Variants in ZNF215 observed in about 807,000 individuals in gnomAD.
The protein encoded by ZNF215 is zinc finger protein 215.
ZNF215 carries 24 observed loss-of-function variants against 27.2 expected under a neutral mutation model. The ratio of observed to expected loss-of-function variants is 0.88; its 90% CI spans 0.64 to 1.24. ZNF215 has a LOEUF of 1.24. Among genes scored for constraint, ZNF215 ranks in the 50% most tolerant of loss-of-function variants. The pLI is 0.00. For missense variants in ZNF215, 675 were observed against 605.7 expected (o/e 1.11, Z -1.20); for synonymous variants, 210 against 204.0 (o/e 1.03, Z -0.25).
intron 5 of ZNF215, among the ~76,000 whole-genome samples, chr11:6,972,260 C>T (rs1389526327): frequency 1.3e-5 from 2 of 151,976 alleles, no homozygotes; most frequent in Non-Finnish European, 2.9e-5. Flanking sequence ...GTCAAAACTA[C>T]TCAATTTTTT....
chr11:6,969,291 C>G (rs1850678212), intron 5 of ZNF215, among the ~76,000 whole-genome samples: 1 of 152,050 alleles, frequency 6.6e-6, no homozygotes, highest in Admixed American at 6.6e-5. Context: ...AAGTCCATTG[C>G]AATTTCTGTT....
intron 5 of ZNF215, among the ~76,000 whole-genome samples, chr11:6,966,491 G>T (rs1237974651): frequency 2.0e-5 from 3 of 148,864 alleles, no homozygotes; most frequent in Admixed American, 2.0e-4. Flanking sequence ...AAAAATAAAA[G>T]TTGGAAAGAA....
In ZNF215 at chr11:6,957,791, A is replaced by G; in HGVS notation, c.*1260A>G. 2.0e-6 allele frequency: 2 copies of G among 985,442 alleles called. No individual in the cohort carries two copies. Among genetic ancestry groups the G allele is most frequent in the South Asian group, 9.4e-5 (2 of 21,290 alleles). 61.0% of individuals were successfully genotyped at this position (985,442 alleles called of 1,614,324 possible). On this transcript the variant is annotated 3_prime_UTR_variant, in exon 7 of 7. Transcript: ENST00000278319. ...GAGAGACGTCCATAGCCTTAGGTATATCATTTATACCAGACATTATGAAGT... is the reference window on the plus strand; with the variant it reads ...GAGAGACGTCCATAGCCTTAGGTATGTCATTTATACCAGACATTATGAAGT...
At position 6,957,896 on chromosome 11, in the gene ZNF215, A is replaced by G; in HGVS notation, c.*1365A>G. On this transcript the variant is annotated 3_prime_UTR_variant, in exon 7 of 7. Transcript: ENST00000278319. ...CAGGATCCCATCTGGTTCTTGAGCC[A>G]AGAAGTATGACTTAATCTGCCCCAA... 2.0e-6 allele frequency: 2 copies of G among 985,440 alleles called. No homozygotes were observed. The highest frequency in any genetic ancestry group is 1.2e-6 in the Non-Finnish European group (1 of 829,924). 61.0% of individuals were successfully genotyped at this position (985,440 alleles called of 1,614,324 possible).
chr11:6,937,258 G>A (rs534904185), intron 3 of ZNF215, among the ~76,000 whole-genome samples: 2 of 152,042 alleles, frequency 1.3e-5, no homozygotes, highest in South Asian at 4.1e-4. Flanking sequence ...TAGGTTATGT[G>A]CCTATAGCAA....
At chr11:6,993,045 T>C (rs981539392), downstream of ZNF215, among the ~76,000 whole-genome samples, 3 of 152,228 alleles carry the variant, frequency 2.0e-5, no homozygotes, top group Non-Finnish European at 4.4e-5. Context: ...GATGTACTTA[T>C]GCACTAAAAT....
At chr11:6,943,265 C>T in intron 5 of ZNF215, 50 bp downstream of exon 5, 2 of 1,568,330 alleles carry the variant, frequency 1.3e-6, no homozygotes, top group South Asian at 1.2e-5. Context: ...TCTCTTCCTA[C>T]CGTTAAAAGC....
rs80149911 is a variant in ZNF215, at chr11:6,939,393, G to A, written c.401-2178G>A. ...CTGAGGGCAGGTATTTGTGTATCTC[G>A]CACATAGGAGATAGTAAATATGTGT... On this transcript the variant is annotated intron_variant, in intron 3 of 6. Transcript: ENST00000278319. Among the ~76,000 whole-genome samples, 988 of 152,204 alleles carry A rather than the reference G, an allele frequency of 6.5e-3. 11 individuals carry two copies. The highest frequency in any genetic ancestry group is 0.022 in the African/African-American group (925 of 41,524).
intron 5 of ZNF215, among the ~76,000 whole-genome samples, chr11:6,970,877 G>T (rs1850705980): frequency 6.6e-6 from 1 of 152,112 alleles, no homozygotes. Context: ...AATGGAATGT[G>T]CACCAAACAT....
At chr11:6,975,789 T>C (rs1850822685) in intron 5 of ZNF215, among the ~76,000 whole-genome samples, 1 of 152,136 alleles carries the variant, frequency 6.6e-6, no homozygotes, top group African/African-American at 2.4e-5. Context: ...TTAGCTGTTG[T>C]GAACAGTGCT....
At chr11:6,944,393 CTT>C (rs74576992) in intron 6 of ZNF215, among the ~76,000 whole-genome samples, 45 of 136,554 alleles carry the variant, frequency 3.3e-4, no homozygotes, top group African/African-American at 2.9e-4. Flanking sequence ...TCCATTTTTC[CTT>C]TTTTTTTTTT....
chr11:6,945,885 T>C (rs1468223433), intron 6 of ZNF215, among the ~76,000 whole-genome samples: 1 of 152,214 alleles, frequency 6.6e-6, no homozygotes, highest in Non-Finnish European at 1.5e-5. Context: ...TCAGACTTTT[T>C]CTCTGGAGAT....
intron 3 of ZNF215, 40 bp from the exon 4 acceptor site, chr11:6,941,531 C>T (rs746804342): frequency 6.3e-7 from 1 of 1,586,468 alleles, no homozygotes; most frequent in African/African-American, 1.4e-5. Context: ...TGCTCCAGGG[C>T]AAAACTTGTC....
chr11:6,984,695 A>G (rs1345656487), downstream of ZNF215: 3 of 152,214 alleles, frequency 2.0e-5, no homozygotes, highest in Non-Finnish European at 4.4e-5. Context: ...ATATGGTATG[A>G]TTCCATAGTT....
At chr11:6,970,311 T>C (rs1255515103) in intron 5 of ZNF215, among the ~76,000 whole-genome samples, 1 of 152,148 alleles carries the variant, frequency 6.6e-6, no homozygotes, top group Non-Finnish European at 1.5e-5. Flanking sequence ...GAACAAGTTA[T>C]AGATGACAAG....
chr11:6,950,716 C>T (rs1850020543), intron 6 of ZNF215, among the ~76,000 whole-genome samples: 1 of 150,786 alleles, frequency 6.6e-6, no homozygotes, highest in African/African-American at 2.4e-5. Context: ...TAATTGAATA[C>T]CCTTTATTTC....
intron 6 of ZNF215, among the ~76,000 whole-genome samples, chr11:6,953,978 G>T (rs559978693): frequency 6.6e-6 from 1 of 152,210 alleles, no homozygotes; most frequent in Non-Finnish European, 1.5e-5. Flanking sequence ...CTGCAGGTCT[G>T]TTGGAGTTTG....
At chr11:6,933,399 C>T (rs1011733102) in intron 3 of ZNF215, among the ~76,000 whole-genome samples, 1 of 152,144 alleles carries the variant, frequency 6.6e-6, no homozygotes, top group African/African-American at 2.4e-5. Context: ...ATATAGTTAA[C>T]AAGCTTCAGT....
At chr11:6,970,062 G>T (rs146248432) in intron 5 of ZNF215, among the ~76,000 whole-genome samples, 1 of 152,044 alleles carries the variant, frequency 6.6e-6, no homozygotes, top group Non-Finnish European at 1.5e-5. Flanking sequence ...GATTACAAGC[G>T]TGAGCCACTG....
Sources: gnomAD v4.1 joint callset for allele counts (sites outside exome capture counted in the v4.1 genomes callset) on GRCh38, gnomAD v4.1.1 for gene constraint, MANE v1.5 for transcripts, NCBI Gene and HGNC (gene_info 2026-07-23, HGNC 2026-07-21) for gene names.